RBFOX1: variants seen among roughly 807,000 people sequenced by gnomAD.
RBFOX1 encodes RNA binding fox-1 homolog 1.
A neutral mutation model predicts 57.7 loss-of-function variants in RBFOX1; 8 were observed. The ratio of observed to expected loss-of-function variants is 0.14; its 90% confidence interval spans 0.08 to 0.25. The LOEUF (loss-of-function observed/expected upper bound fraction) is 0.25, where lower values mean the gene tolerates loss of function less well. Ranked by LOEUF, RBFOX1 falls within the 10% of genes least tolerant of loss-of-function variation. The probability of loss-of-function intolerance (pLI) is 1.00; values close to 1 mark genes in which losing one functional copy is unlikely to be tolerated. For synonymous variants in RBFOX1, 326 were observed against 222.4 expected (o/e 1.47, Z -4.15); for missense variants, 611 against 548.5 (o/e 1.11, Z -1.14).
intron 5 of RBFOX1, among the ~76,000 whole-genome samples, chr16:7,533,777 A>T (rs927628474): frequency 3.3e-5 from 5 of 152,240 alleles, no homozygotes; most frequent in African/African-American, 1.2e-4. Flanking sequence ...GTAAGTTAGG[A>T]ATCATCTGTA....
chr16:6,782,734 A>G (rs964953985), intron 3 of RBFOX1, among the ~76,000 whole-genome samples: 3 of 152,084 alleles, frequency 2.0e-5, no homozygotes, highest in Middle Eastern at 3.2e-3. Flanking sequence ...GTAAATGTCT[A>G]TTGATCAATT....
intron 2 of RBFOX1, among the ~76,000 whole-genome samples, chr16:5,485,996 A>G (rs1029628600): frequency 8.5e-5 from 13 of 152,228 alleles, no homozygotes; most frequent in Non-Finnish European, 1.5e-4. Context: ...CAGCCAGCTC[A>G]TAGTCAGAAT....
At chr16:5,266,504 T>C (rs1422384436) in intron 1 of RBFOX1, among the ~76,000 whole-genome samples, 1 of 151,872 alleles carries the variant, frequency 6.6e-6, no homozygotes, top group Non-Finnish European at 1.5e-5. Flanking sequence ...GGGGCTGTAA[T>C]GTTCTGTTTC....
At chr16:6,291,643 T>G (rs1255779174) in intron 1 of RBFOX1, among the ~76,000 whole-genome samples, 2 of 152,214 alleles carry the variant, frequency 1.3e-5, no homozygotes, top group African/African-American at 4.8e-5. Context: ...ATGGCATCCT[T>G]TGCCGTATTG....
At chr16:6,857,086 G>T (rs533407308) in intron 3 of RBFOX1, among the ~76,000 whole-genome samples, 1 of 152,130 alleles carries the variant, frequency 6.6e-6, no homozygotes, top group African/African-American at 2.4e-5. Flanking sequence ...CTTATTTGTT[G>T]TGAAGTGATT....
chr16:5,540,686 G>T (rs989931714), intron 2 of RBFOX1, among the ~76,000 whole-genome samples: 5 of 152,064 alleles, frequency 3.3e-5, no homozygotes, highest in African/African-American at 1.2e-4. Context: ...CGAATCTCTG[G>T]CACTGACATC....
At chr16:7,004,060 C>A (rs1378279979) in intron 3 of RBFOX1, 1 of 150,836 alleles carries the variant, frequency 6.6e-6, no homozygotes, top group Non-Finnish European at 1.5e-5. Flanking sequence ...AGGTGCCATA[C>A]CACCTTCTCT....
intron 1 of RBFOX1, among the ~76,000 whole-genome samples, chr16:6,283,086 G>C (rs1008647334): frequency 6.6e-6 from 1 of 152,172 alleles, no homozygotes; most frequent in African/African-American, 2.4e-5. Context: ...CAGCCCTTGG[G>C]GAGGCCAAGG....
chr16:7,261,361 T>C (rs1160944593), intron 4 of RBFOX1, among the ~76,000 whole-genome samples: 1 of 152,234 alleles, frequency 6.6e-6, no homozygotes, highest in Non-Finnish European at 1.5e-5. Context: ...ACTGTCATGA[T>C]GTCCAGACAT....
rs200483592 is a variant in RBFOX1 at position 6,886,860 on chromosome 16, TAAAAG to T, written c.-15-165195_-15-165191del. On this transcript the variant is annotated intron_variant, in intron 3 of 15. Transcript: ENST00000550418. ...TAGAATCAGTGAAATATGGCAAAAA[TAAAAG>T]AGATGCTTCCGAAATTTTGTTGCAT... Among the ~76,000 whole-genome samples, 979 of 151,818 alleles carry T rather than the reference TAAAAG, an allele frequency of 6.4e-3. 15 individuals are homozygous for T. Among genetic ancestry groups the T allele is most frequent in the African/African-American group, 0.022 (930 of 41,412 alleles).
chr16:5,812,747 C>T (rs1196136152), intron 3 of RBFOX1, among the ~76,000 whole-genome samples: 1 of 152,166 alleles, frequency 6.6e-6, no homozygotes, highest in Non-Finnish European at 1.5e-5. Flanking sequence ...CAGGCATGAT[C>T]CACCACCTTG....
intron 4 of RBFOX1, among the ~76,000 whole-genome samples, chr16:7,228,217 T>A (rs2093273986): frequency 6.6e-6 from 1 of 151,170 alleles, no homozygotes; most frequent in Non-Finnish European, 1.5e-5. Context: ...AGATTTTCAA[T>A]ACATATTTGT....
At chr16:6,745,751 T>C (rs979434801) in intron 3 of RBFOX1, among the ~76,000 whole-genome samples, 3 of 152,196 alleles carry the variant, frequency 2.0e-5, no homozygotes, top group Non-Finnish European at 2.9e-5. Flanking sequence ...GATTTATGCT[T>C]TCACCACTTC....
chr16:6,566,368 G>C (rs114914201), intron 2 of RBFOX1, among the ~76,000 whole-genome samples: 1 of 152,054 alleles, frequency 6.6e-6, no homozygotes, highest in Non-Finnish European at 1.5e-5. Context: ...TTATAGTATT[G>C]TCATTCTAAA....
At chr16:5,641,696 G>A (rs1421518410) in intron 3 of RBFOX1, among the ~76,000 whole-genome samples, 1 of 152,184 alleles carries the variant, frequency 6.6e-6, no homozygotes, top group Non-Finnish European at 1.5e-5. Flanking sequence ...GCCTGGAGGC[G>A]GGGGCATGTT....
At chr16:6,159,148 C>A (rs775209234) in intron 1 of RBFOX1, among the ~76,000 whole-genome samples, 3 of 152,202 alleles carry the variant, frequency 2.0e-5, no homozygotes, top group Non-Finnish European at 4.4e-5. Context: ...GTGATCTCAG[C>A]TCACTGCAAC....
At chr16:7,059,048 C>T (rs1305386959) in intron 4 of RBFOX1, among the ~76,000 whole-genome samples, 1 of 152,146 alleles carries the variant, frequency 6.6e-6, no homozygotes, top group African/African-American at 2.4e-5. Flanking sequence ...CTCATTTCTG[C>T]TAGATATGAG....
chr16:5,394,818 G>A (rs987324322), intron 1 of RBFOX1, among the ~76,000 whole-genome samples: 1 of 152,086 alleles, frequency 6.6e-6, no homozygotes, highest in Non-Finnish European at 1.5e-5. Context: ...CCAAAATACT[G>A]GGATTACAGG....
intron 2 of RBFOX1, among the ~76,000 whole-genome samples, chr16:5,473,310 C>T (rs1597209697): frequency 6.6e-6 from 1 of 152,150 alleles, no homozygotes; most frequent in Non-Finnish European, 1.5e-5. Flanking sequence ...GAGAAACAGA[C>T]CTTACCTGAC....
Sources: allele counts gnomAD v4.1 joint callset (sites outside exome capture counted in the v4.1 genomes callset), GRCh38; gene constraint gnomAD v4.1.1; transcripts MANE v1.5; gene names NCBI Gene and HGNC (gene_info 2026-07-23, HGNC 2026-07-21).